Variants in PRR5L observed in about 807,000 individuals in gnomAD.
PRR5L encodes proline rich 5 like.
PRR5L carries 21 observed loss-of-function variants against 36.4 expected under a neutral mutation model. The observed-to-expected ratio is 0.58, with a 90% CI of 0.41 to 0.83. The LOEUF (loss-of-function observed/expected upper bound fraction) is 0.83. Ranked by LOEUF, PRR5L falls within the 40% of genes least tolerant of loss-of-function variation. The pLI is 0.00. For missense variants in PRR5L, 381 were observed against 473.3 expected, an observed-to-expected ratio of 0.80 and a Z score of 1.81; for synonymous variants, 188 against 197.0, an observed-to-expected ratio of 0.95 and a Z score of 0.38.
chr11:36,460,389 G>A (rs538170999), intron 8 of PRR5L, among the ~76,000 whole-genome samples: 1 of 151,812 alleles, frequency 6.6e-6, no homozygotes, highest in Non-Finnish European at 1.5e-5. Context: ...CCCATCCTTC[G>A]CCCCTCCCCC....
chr11:36,462,901 C>T lies in PRR5L; in HGVS notation c.*165C>T, dbSNP rs12282720. ...CCTAAGGGGAAACCGTTGTTGTAAA[C>T]CTCTTTATTTTGGTGACTGTGACCA... On this transcript the variant is annotated 3_prime_UTR_variant, in exon 9 of 9. Coordinates refer to ENST00000530639, the MANE Select transcript of PRR5L (RefSeq NM_001160167.2). The T allele has an allele frequency of 3.6e-3, 2,208 of 613,756 alleles. 39 individuals are homozygous for T. The African/African-American group carries it at 0.037, about 10-fold the overall frequency. The allele number at this position is 613,756 out of a possible 1,614,324, so 38.0% of individuals were successfully genotyped here. A position where few individuals can be genotyped will look rare whatever the true frequency, so the allele number is the denominator to read the frequency against.
intron 1 of PRR5L, among the ~76,000 whole-genome samples, chr11:36,334,734 A>G (rs1445463530): frequency 6.6e-6 from 1 of 152,146 alleles, no homozygotes; most frequent in Middle Eastern, 3.2e-3. Flanking sequence ...CATCTTCCTC[A>G]TACACTAGAC....
chr11:36,369,020 G>A (rs1341240675), intron 1 of PRR5L, among the ~76,000 whole-genome samples: 2 of 152,204 alleles, frequency 1.3e-5, no homozygotes, highest in Non-Finnish European at 2.9e-5. Context: ...TCGAAGTGTA[G>A]GGGATTTTGC....
intron 5 of PRR5L, among the ~76,000 whole-genome samples, chr11:36,437,144 A>G (rs1484795215): frequency 3.3e-5 from 5 of 152,172 alleles, no homozygotes; most frequent in African/African-American, 1.2e-4. Flanking sequence ...GTTAGGATCA[A>G]TACGTGCACC....
At chr11:36,374,096 T>G (rs373516855) in intron 1 of PRR5L, among the ~76,000 whole-genome samples, 1,971 of 98,632 alleles carry the variant, frequency 0.02, 40 homozygotes, top group Admixed American at 0.044. Context: ...CTTCCTTCCT[T>G]CCTTCCTTCC....
chr11:36,371,782 G>C (rs1339588228), intron 1 of PRR5L, among the ~76,000 whole-genome samples: 1 of 152,184 alleles, frequency 6.6e-6, no homozygotes, highest in African/African-American at 2.4e-5. Context: ...ATGTGGGCTG[G>C]GCATGGTGGT....
chr11:36,393,463 CT>C (rs1857599808), intron 1 of PRR5L, among the ~76,000 whole-genome samples: 1 of 152,134 alleles, frequency 6.6e-6, no homozygotes, highest in African/African-American at 2.4e-5. Context: ...TTCTTGGCAC[CT>C]TTGTCAAAAA....
chr11:36,399,382 C>T (rs1410464196), intron 1 of PRR5L, among the ~76,000 whole-genome samples: 1 of 152,154 alleles, frequency 6.6e-6, no homozygotes, highest in African/African-American at 2.4e-5. Flanking sequence ...ATGCCTGTTG[C>T]CTGCAGATAG....
intron 3 of PRR5L, among the ~76,000 whole-genome samples, chr11:36,416,516 T>C (rs1432816172): frequency 6.6e-6 from 1 of 152,176 alleles, no homozygotes; most frequent in African/African-American, 2.4e-5. Flanking sequence ...GTTATCACTA[T>C]CAGCATGGCG....
chr11:36,424,849 CT>C (rs549354484), intron 4 of PRR5L, among the ~76,000 whole-genome samples: 122 of 151,204 alleles, frequency 8.1e-4, no homozygotes, highest in African/African-American at 2.7e-3. Context: ...TAGACAAAGT[CT>C]TGCTCTTGTC....
chr11:36,335,271 C>T (rs1380376679), intron 1 of PRR5L, among the ~76,000 whole-genome samples: 1 of 152,064 alleles, frequency 6.6e-6, no homozygotes, highest in Non-Finnish European at 1.5e-5. Context: ...CTCCACATTG[C>T]CAAGGCTGGT....
At chr11:36,371,813 C>T (rs1229882079) in intron 1 of PRR5L, among the ~76,000 whole-genome samples, 2 of 152,050 alleles carry the variant, frequency 1.3e-5, no homozygotes, top group Non-Finnish European at 1.5e-5. Flanking sequence ...AATCCCAGCG[C>T]TTTGGGAGGC....
At chr11:36,452,897 C>T (rs1042313928) in intron 8 of PRR5L, among the ~76,000 whole-genome samples, 1 of 152,244 alleles carries the variant, frequency 6.6e-6, no homozygotes, top group Non-Finnish European at 1.5e-5. Context: ...ATGTTTCATA[C>T]ATACATGGGT....
At chr11:36,432,386 T>A (rs1858519449) in intron 5 of PRR5L, among the ~76,000 whole-genome samples, 1 of 152,116 alleles carries the variant, frequency 6.6e-6, no homozygotes, top group African/African-American at 2.4e-5. Flanking sequence ...CAATAGGGTA[T>A]GATTTGATAG....
At chr11:36,343,907 T>TG (rs1470947040) in intron 1 of PRR5L, among the ~76,000 whole-genome samples, 103 of 150,300 alleles carry the variant, frequency 6.9e-4, no homozygotes, top group Non-Finnish European at 1.2e-3. Flanking sequence ...TTTATGTTGT[T>TG]TTTTTTTTTT....
chr11:36,425,055 C>G (rs1037330493), intron 4 of PRR5L, among the ~76,000 whole-genome samples: 1 of 152,176 alleles, frequency 6.6e-6, no homozygotes, highest in Admixed American at 6.5e-5. Context: ...CTCCTGACCT[C>G]AGGTGATCCA....
intron 8 of PRR5L, among the ~76,000 whole-genome samples, chr11:36,457,087 C>T (rs116290541): frequency 9.1e-4 from 138 of 152,320 alleles, no homozygotes; most frequent in Middle Eastern, 3.4e-3. Flanking sequence ...CTGGCTCATC[C>T]CAGTGGGCTG....
intron 3 of PRR5L, among the ~76,000 whole-genome samples, chr11:36,418,134 G>A (rs766646685): frequency 2.0e-5 from 3 of 152,162 alleles, no homozygotes; most frequent in Non-Finnish European, 4.4e-5. Context: ...CCCAAGAAGA[G>A]AGCAGAGACC....
intron 7 of PRR5L, among the ~76,000 whole-genome samples, chr11:36,450,481 G>A (rs1485560982): frequency 6.6e-6 from 1 of 152,144 alleles, no homozygotes; most frequent in Non-Finnish European, 1.5e-5. Flanking sequence ...TTGGTTACTG[G>A]CTCCTTTCTG....
Sources: gnomAD v4.1 joint callset for allele counts (sites outside exome capture counted in the v4.1 genomes callset) on GRCh38, gnomAD v4.1.1 for gene constraint, MANE v1.5 for transcripts, NCBI Gene and HGNC (gene_info 2026-07-23, HGNC 2026-07-21) for gene names.